Variants in PTPRD observed in about 807,000 individuals in gnomAD.
PTPRD encodes protein tyrosine phosphatase receptor type D, also known as receptor-type tyrosine-protein phosphatase delta.
In PTPRD, 34 loss-of-function variants were observed where a neutral mutation model predicts 214.5. That is an observed-to-expected ratio of 0.16 (90% CI 0.12 to 0.21). The LOEUF (loss-of-function observed/expected upper bound fraction) is 0.21. Ranked by LOEUF, PTPRD falls within the 10% of genes least tolerant of loss-of-function variation. The probability of loss-of-function intolerance (pLI) is 1.00; values close to 1 mark genes in which losing one functional copy is unlikely to be tolerated. For missense variants in PTPRD, 2,545 were observed against 2,398.7 expected (o/e 1.06, Z -1.27); for synonymous variants, 1,128 against 845.7 (o/e 1.33, Z -5.79).
At chr9:8,712,213 C>T (rs2098351121) in intron 12 of PTPRD, among the ~76,000 whole-genome samples, 1 of 152,160 alleles carries the variant, frequency 6.6e-6, no homozygotes, top group African/African-American at 2.4e-5. Flanking sequence ...AGGGATGGAG[C>T]TGTCCTTAGT....
chr9:8,578,424 T>C (rs1030417680), intron 14 of PTPRD, among the ~76,000 whole-genome samples: 9 of 152,140 alleles, frequency 5.9e-5, no homozygotes, highest in African/African-American at 1.9e-4. Context: ...AAACATTTCG[T>C]ATATAACTGA....
At chr9:9,906,282 G>A (rs922326003) in intron 5 of PTPRD, among the ~76,000 whole-genome samples, 1 of 151,892 alleles carries the variant, frequency 6.6e-6, no homozygotes, top group African/African-American at 2.4e-5. Context: ...TTTCATCTTG[G>A]ATGTGAGAAG....
intron 4 of PTPRD, among the ~76,000 whole-genome samples, chr9:9,981,766 C>A (rs1240627894): frequency 6.6e-6 from 1 of 151,984 alleles, no homozygotes; most frequent in Non-Finnish European, 1.5e-5. Context: ...ATTTTAAAGG[C>A]GCTTTTTGAC....
At chr9:8,452,143 T>C (rs1364072865) in intron 33 of PTPRD, among the ~76,000 whole-genome samples, 1 of 152,234 alleles carries the variant, frequency 6.6e-6, no homozygotes, top group African/African-American at 2.4e-5. Context: ...AACTAACTTC[T>C]CTTTCACTGT....
intron 7 of PTPRD, among the ~76,000 whole-genome samples, chr9:9,678,552 C>T (rs1595006658): frequency 6.6e-6 from 1 of 151,776 alleles, no homozygotes; most frequent in Admixed American, 6.6e-5. Flanking sequence ...TTAGATACCT[C>T]AAAGATATTT....
intron 2 of PTPRD, among the ~76,000 whole-genome samples, chr9:10,472,904 T>C (rs2099040303): frequency 6.6e-6 from 1 of 151,958 alleles, no homozygotes; most frequent in African/African-American, 2.4e-5. Context: ...AATTATAGTA[T>C]TTAAAAACAA....
At chr9:8,529,520 T>G (rs1385847590) in intron 14 of PTPRD, among the ~76,000 whole-genome samples, 1 of 152,114 alleles carries the variant, frequency 6.6e-6, no homozygotes, top group East Asian at 1.9e-4. Context: ...CTGCATCATT[T>G]TCAGTAATTA....
chr9:9,693,458 G>A (rs989028966), intron 7 of PTPRD, among the ~76,000 whole-genome samples: 4 of 151,958 alleles, frequency 2.6e-5, no homozygotes, highest in African/African-American at 7.3e-5. Flanking sequence ...TCCTCCCCCC[G>A]CCATGTGCAA....
chr9:10,088,897 G>A (rs569331643), intron 3 of PTPRD, among the ~76,000 whole-genome samples: 2 of 151,664 alleles, frequency 1.3e-5, no homozygotes, highest in East Asian at 3.9e-4. Flanking sequence ...ATATTCTGGT[G>A]GTGATGGCTG....
chr9:8,713,535 G>A, intron 12 of PTPRD: 1 of 1,278,856 alleles, frequency 7.8e-7, no homozygotes, highest in Non-Finnish European at 1.1e-6. Flanking sequence ...CGCTGCGGGT[G>A]AAGAACTTCG....
chr9:10,291,990 A>G (rs532062926), intron 3 of PTPRD, among the ~76,000 whole-genome samples: 78 of 152,148 alleles, frequency 5.1e-4, no homozygotes, highest in Non-Finnish European at 2.9e-5. Context: ...AAGTTACTGG[A>G]CCTTCTAAAT....
chr9:9,924,259 T>C (rs1013576398), intron 5 of PTPRD, among the ~76,000 whole-genome samples: 7 of 151,962 alleles, frequency 4.6e-5, no homozygotes, highest in Non-Finnish European at 8.8e-5. Flanking sequence ...TAAATCAAGA[T>C]AATAATACAA....
At chr9:9,298,380 T>C (rs1039345978) in intron 9 of PTPRD, among the ~76,000 whole-genome samples, 8 of 151,744 alleles carry the variant, frequency 5.3e-5, no homozygotes, top group African/African-American at 1.9e-4. Context: ...AAATCTTTGA[T>C]TCATAACCTT....
intron 9 of PTPRD, among the ~76,000 whole-genome samples, chr9:9,265,792 TA>T (rs200743485): frequency 2.2e-4 from 32 of 144,132 alleles, no homozygotes; most frequent in Non-Finnish European, 1.5e-4. Context: ...ACAACAACAA[TA>T]AAAAAAAATA....
At chr9:10,133,399 C>T (rs150407) in intron 3 of PTPRD, among the ~76,000 whole-genome samples, 2 of 151,968 alleles carry the variant, frequency 1.3e-5, no homozygotes, top group African/African-American at 2.4e-5. Flanking sequence ...CTGCAGGTGA[C>T]GGTGTTCCCA....
intron 2 of PTPRD, among the ~76,000 whole-genome samples, chr9:10,550,179 A>G (rs2060996593): frequency 6.6e-6 from 1 of 152,206 alleles, no homozygotes; most frequent in African/African-American, 2.4e-5. Context: ...TATAACTTTC[A>G]CTACAGTTTC....
rs2094257588 is a variant in PTPRD at position 8,759,455 on chromosome 9, T to A, written c.-103-25509A>T. Reference sequence around the variant, plus strand: ...CTCTCTCTTGTTTTCATCTCTCTCATCTTTATCAAGGTATTGTCTGGTCTT... The same window carrying A: ...CTCTCTCTTGTTTTCATCTCTCTCAACTTTATCAAGGTATTGTCTGGTCTT... On this transcript the variant is annotated intron_variant, in intron 11 of 45. Transcript: ENST00000381196. Among the ~76,000 whole-genome samples the A allele has an allele frequency of 2.0e-5, 3 of 152,156 alleles. 1 individual carries two copies. Among genetic ancestry groups the A allele is most frequent in the Admixed American group, 2.0e-4 (3 of 15,268 alleles).
intron 37 of PTPRD, among the ~76,000 whole-genome samples, chr9:8,377,058 C>A (rs549027611): frequency 6.6e-6 from 1 of 152,012 alleles, no homozygotes; most frequent in African/African-American, 2.4e-5. Flanking sequence ...CTGGGATAGA[C>A]GTTATGAATC....
chr9:10,529,183 C>A (rs1035903941), intron 2 of PTPRD, among the ~76,000 whole-genome samples: 3 of 151,986 alleles, frequency 2.0e-5, no homozygotes, highest in Non-Finnish European at 4.4e-5. Flanking sequence ...GATCTAGAAC[C>A]AGAAATACCA....
Sources: allele counts gnomAD v4.1 joint callset (sites outside exome capture counted in the v4.1 genomes callset), GRCh38; gene constraint gnomAD v4.1.1; transcripts MANE v1.5; gene names NCBI Gene and HGNC (gene_info 2026-07-23, HGNC 2026-07-21).